The following DENND1A variants were observed in gnomAD, a reference collection of about 807,000 sequenced individuals.
DENND1A encodes DENN domain containing 1A.
In DENND1A, 51 loss-of-function variants were observed where a neutral mutation model predicts 113.7. The observed-to-expected ratio is 0.45, with a 90% CI of 0.36 to 0.57. DENND1A has a LOEUF of 0.57. DENND1A is among the 20% of genes least tolerant of loss of function. The pLI, the probability that DENND1A is intolerant of heterozygous loss-of-function variation, is 0.00. For missense variants in DENND1A, 1,258 were observed against 1,395.9 expected, an observed-to-expected ratio of 0.90 and a Z score of 1.57; for synonymous variants, 565 against 570.8, an observed-to-expected ratio of 0.99 and a Z score of 0.14.
chr9:123,704,096 A>G (rs183296071), intron 5 of DENND1A, among the ~76,000 whole-genome samples: 5 of 152,238 alleles, frequency 3.3e-5, no homozygotes, highest in Non-Finnish European at 7.4e-5. Flanking sequence ...TACCATCTTT[A>G]AAAATATTGC....
chr9:123,716,038 G>A (rs1484006669), intron 5 of DENND1A, among the ~76,000 whole-genome samples: 2 of 152,112 alleles, frequency 1.3e-5, no homozygotes, highest in African/African-American at 4.8e-5. Flanking sequence ...CTGCTCTGGA[G>A]CACTCCAGGG....
intron 13 of DENND1A, among the ~76,000 whole-genome samples, chr9:123,548,769 G>C (rs1174391605): frequency 6.6e-6 from 1 of 152,196 alleles, no homozygotes; most frequent in Non-Finnish European, 1.5e-5. Flanking sequence ...GCTATAACAC[G>C]GATGAACCTG....
At chr9:123,693,080 T>C (rs2065277934) in intron 5 of DENND1A, among the ~76,000 whole-genome samples, 1 of 152,220 alleles carries the variant, frequency 6.6e-6, no homozygotes, top group African/African-American at 2.4e-5. Flanking sequence ...TTTTAATTTA[T>C]ATCAAATAAA....
At chr9:123,542,693 T>C (rs2056376870) in intron 13 of DENND1A, among the ~76,000 whole-genome samples, 1 of 152,012 alleles carries the variant, frequency 6.6e-6, no homozygotes, top group Non-Finnish European at 1.5e-5. Flanking sequence ...CTTCACGCTC[T>C]CTCTGCTTGG....
chr9:123,550,671 C>T (rs144681021), intron 13 of DENND1A, among the ~76,000 whole-genome samples: 17 of 152,196 alleles, frequency 1.1e-4, no homozygotes, highest in East Asian at 1.9e-4. Flanking sequence ...AAATGTGTTT[C>T]GAGGGGGGTG....
At chr9:123,388,025 G>T (rs765625197) in intron 21 of DENND1A, among the ~76,000 whole-genome samples, 167 bp from the exon 22 acceptor site, 3 of 152,186 alleles carry the variant, frequency 2.0e-5, no homozygotes, top group Non-Finnish European at 2.9e-5. Context: ...AGATAGAAAA[G>T]AAACTAAATT....
intron 13 of DENND1A, among the ~76,000 whole-genome samples, chr9:123,509,716 G>A (rs2053282618): frequency 6.6e-6 from 1 of 152,170 alleles, no homozygotes; most frequent in Non-Finnish European, 1.5e-5. Flanking sequence ...TGAACTGCAA[G>A]ACCTGTTCTA....
intron 3 of DENND1A, among the ~76,000 whole-genome samples, chr9:123,780,472 G>A (rs1433261086): frequency 6.6e-6 from 1 of 152,178 alleles, no homozygotes; most frequent in Non-Finnish European, 1.5e-5. Context: ...ACTTACTATT[G>A]CCATGCACTG....
intron 18 of DENND1A, among the ~76,000 whole-genome samples, chr9:123,450,224 C>T (rs1320754979): frequency 6.6e-6 from 1 of 152,278 alleles, no homozygotes; most frequent in Non-Finnish European, 1.5e-5. Flanking sequence ...GGTAAGCCCA[C>T]GGCATTCTGC....
chr9:123,592,748 T>A (rs1457315959), intron 11 of DENND1A, among the ~76,000 whole-genome samples: 2 of 152,132 alleles, frequency 1.3e-5, no homozygotes, highest in African/African-American at 4.8e-5. Flanking sequence ...CAAGTGATCC[T>A]CCCGCCTCAG....
chr9:123,398,517 G>A (rs1467754410), intron 21 of DENND1A, among the ~76,000 whole-genome samples: 2 of 150,550 alleles, frequency 1.3e-5, no homozygotes, highest in Non-Finnish European at 3.0e-5. Context: ...TGGGACTACA[G>A]GGATCCACCA....
rs755339464 is a variant in DENND1A at position 123,382,177 on chromosome 9, G to C, written c.2468C>G (p.Thr823Ser). 2.1e-5 allele frequency: 34 copies of C among 1,609,378 alleles called. No homozygotes were observed. Among genetic ancestry groups the C allele is most frequent in the Non-Finnish European group, 2.5e-5 (30 of 1,179,326 alleles). Residue 823 changes from threonine to serine, a missense_variant, in exon 24 of 24, where the codon ACT (threonine) becomes AGT (serine). Physicochemically the swap from Thr to Ser is moderately conservative, Grantham distance 58 (BLOSUM62 1). Around this residue, in one of 2 missense-constraint regions of DENND1A, gnomAD observed 1,159 missense variants for 1,231.7 expected, o/e 0.94. Transcript: ENST00000394215. Reference sequence around the variant, plus strand: ...AGGGCTGAGCGGCTGGAGCAGTTCAGTGGGGCCTTGGGGGACAACACCAGG... The same window carrying C: ...AGGGCTGAGCGGCTGGAGCAGTTCACTGGGGCCTTGGGGGACAACACCAGG... ...LLPGVVPQGP[T>S]ELLQPLSPGP...
chr9:123,684,310 G>C (rs1269312465), intron 5 of DENND1A, among the ~76,000 whole-genome samples: 4 of 151,954 alleles, frequency 2.6e-5, no homozygotes, highest in African/African-American at 9.7e-5. Flanking sequence ...TTCCTCTTCT[G>C]TCCCTCTCTT....
intron 11 of DENND1A, among the ~76,000 whole-genome samples, chr9:123,587,151 G>A (rs150913188): frequency 7.2e-5 from 11 of 152,108 alleles, no homozygotes; most frequent in African/African-American, 2.7e-4. Context: ...GGCGGGGGTA[G>A]GTTAGTGAGG....
intron 13 of DENND1A, among the ~76,000 whole-genome samples, chr9:123,524,767 C>T (rs773851490): frequency 5.9e-5 from 9 of 152,188 alleles, no homozygotes; most frequent in South Asian, 2.1e-4. Context: ...CACTGTCCCA[C>T]GTACTCAACA....
chr9:123,433,757 C>T (rs758663660), intron 19 of DENND1A, among the ~76,000 whole-genome samples: 9 of 152,236 alleles, frequency 5.9e-5, no homozygotes, highest in Middle Eastern at 6.8e-3. Context: ...AAAACCTTTA[C>T]GCCTAATTTA....
intron 5 of DENND1A, among the ~76,000 whole-genome samples, chr9:123,752,473 A>G (rs1431706720): frequency 1.3e-5 from 2 of 152,252 alleles, no homozygotes; most frequent in Non-Finnish European, 2.9e-5. Context: ...AAGAGCTTCA[A>G]TAAGATCCCA....
intron 5 of DENND1A, among the ~76,000 whole-genome samples, chr9:123,743,405 G>GATAAATAA (rs113375616): frequency 5.6e-4 from 83 of 148,102 alleles, no homozygotes; most frequent in African/African-American, 2.0e-3. Flanking sequence ...AGTCCCAAAA[G>GATAAATAA]ATAAATAAAT....
intron 2 of DENND1A, among the ~76,000 whole-genome samples, chr9:123,825,516 A>T (rs1356151771): frequency 6.6e-6 from 1 of 152,216 alleles, no homozygotes; most frequent in African/African-American, 2.4e-5. Context: ...GCAGGTGTCC[A>T]ATCCTACCAC....
Sources: gnomAD v4.1 joint callset for allele counts (sites outside exome capture counted in the v4.1 genomes callset) on GRCh38, gnomAD v4.1.1 for gene constraint, gnomAD v4.1.1 regional missense constraint, MANE v1.5 for transcripts, NCBI Gene and HGNC (gene_info 2026-07-23, HGNC 2026-07-21) for gene names.